LDB2: variants seen among roughly 807,000 people sequenced by gnomAD.
LDB2 encodes the protein LIM domain binding 2.
LDB2 carries 12 observed loss-of-function variants against 44.3 expected under a neutral mutation model. The ratio of observed to expected loss-of-function variants is 0.27; its 90% confidence interval spans 0.17 to 0.44. The LOEUF (loss-of-function observed/expected upper bound fraction) is 0.44, where lower values mean the gene tolerates loss of function less well. Among genes scored for constraint, LDB2 ranks in the 20% least tolerant of loss-of-function variants. The pLI is 1.00. For missense variants in LDB2, 344 were observed against 473.5 expected (o/e 0.73, Z 2.54); for synonymous variants, 164 against 174.8 (o/e 0.94, Z 0.49).
At chr4:16,844,789 C>T (rs1167205199) in intron 1 of LDB2, among the ~76,000 whole-genome samples, 2 of 152,088 alleles carry the variant, frequency 1.3e-5, no homozygotes, top group East Asian at 1.9e-4. Flanking sequence ...TTGCAGAAGC[C>T]CTGAAAACAT....
At chr4:16,603,488 T>C (rs1172803321) in intron 2 of LDB2, among the ~76,000 whole-genome samples, 1 of 152,172 alleles carries the variant, frequency 6.6e-6, no homozygotes, top group East Asian at 1.9e-4. Flanking sequence ...GTTATATATT[T>C]ATACCTTGGA....
At chr4:16,856,616 T>G (rs1224145182) in intron 1 of LDB2, among the ~76,000 whole-genome samples, 3 of 152,204 alleles carry the variant, frequency 2.0e-5, no homozygotes. Context: ...ACAATAAAAC[T>G]TTATTTATAT....
chr4:16,558,399 A>C (rs1448051369), intron 5 of LDB2, among the ~76,000 whole-genome samples: 2 of 152,270 alleles, frequency 1.3e-5, no homozygotes, highest in Non-Finnish European at 2.9e-5. Context: ...AGGCTCGGGA[A>C]CTACGTGAAG....
intron 2 of LDB2, among the ~76,000 whole-genome samples, chr4:16,616,579 T>C (rs1240367270): frequency 6.6e-6 from 1 of 151,944 alleles, no homozygotes; most frequent in East Asian, 1.9e-4. Context: ...CAATAACCCA[T>C]TTTGAGTGAA....
chr4:16,620,949 T>TA (rs1204035981), intron 2 of LDB2, among the ~76,000 whole-genome samples: 1 of 152,246 alleles, frequency 6.6e-6, no homozygotes, highest in African/African-American at 2.4e-5. Flanking sequence ...GTTCAGAACT[T>TA]AAACGCTTTA....
intron 2 of LDB2, among the ~76,000 whole-genome samples, chr4:16,649,752 A>G: frequency 6.6e-6 from 1 of 152,114 alleles, no homozygotes; most frequent in African/African-American, 2.4e-5. Context: ...ATCCATTTGA[A>G]CTCTTCTTAT....
chr4:16,533,335 T>C lies in LDB2; in HGVS notation c.616-21231A>G, dbSNP rs551352159. ...CCCACTTCTAAAGTTAAAAAACCATTCATGTCTGCAAAAATGGAAATAATA... is the reference window on the plus strand; with the variant it reads ...CCCACTTCTAAAGTTAAAAAACCATCCATGTCTGCAAAAATGGAAATAATA... On this transcript the variant is annotated intron_variant, in intron 5 of 7. Coordinates refer to ENST00000304523, the MANE Select transcript of LDB2 (RefSeq NM_001290.5). The surrounding 1 kb of genome is among the most constrained non-coding windows in gnomAD (Gnocchi z 4.1). 3.9e-4 allele frequency among the ~76,000 whole-genome samples: 59 copies of C among 152,232 alleles called. No individual in the cohort carries two copies. Among genetic ancestry groups the C allele is most frequent in the African/African-American group, 1.4e-3 (58 of 41,540 alleles).
In LDB2 at chr4:16,582,597, C is replaced by T. The variant is rs190762115; in HGVS notation, c.615+3325G>A. 3.9e-3 allele frequency among the ~76,000 whole-genome samples: 588 copies of T among 152,276 alleles called. No homozygotes were observed. The highest frequency in any genetic ancestry group is 7.2e-3 in the Non-Finnish European group (488 of 68,020). Reference sequence around the variant, plus strand: ...TGAGGACATGCTTCGTGAAACCCACCACCCGGTATCGGAATACCCAACAGC... The same window carrying T: ...TGAGGACATGCTTCGTGAAACCCACTACCCGGTATCGGAATACCCAACAGC... On this transcript the variant is annotated intron_variant, in intron 5 of 7. Transcript: ENST00000304523. The surrounding 1 kb of genome is among the most constrained non-coding windows in gnomAD (Gnocchi z 4.8).
At chr4:16,615,595 G>A (rs1727064947) in intron 2 of LDB2, among the ~76,000 whole-genome samples, 1 of 152,074 alleles carries the variant, frequency 6.6e-6, no homozygotes, top group African/African-American at 2.4e-5. Flanking sequence ...ACACACACCA[G>A]GGCCTGTTGG....
At chr4:16,643,588 G>A (rs1735821995) in intron 2 of LDB2, among the ~76,000 whole-genome samples, 1 of 152,136 alleles carries the variant, frequency 6.6e-6, no homozygotes, top group Non-Finnish European at 1.5e-5. Flanking sequence ...AAAATAAATA[G>A]AGTATGCAGA....
At chr4:16,588,114 T>C (rs1480218469) in intron 4 of LDB2, among the ~76,000 whole-genome samples, 1 of 152,166 alleles carries the variant, frequency 6.6e-6, no homozygotes, top group East Asian at 1.9e-4. Context: ...CCTACTTACA[T>C]TTAAAATACA....
chr4:16,766,466 ATATG>A (rs33959243), intron 1 of LDB2, among the ~76,000 whole-genome samples: 20,612 of 60,828 alleles, frequency 0.34, 1,855 homozygotes, highest in Middle Eastern at 0.49. Context: ...ACACACACAT[ATATG>A]TGTGTGTGTG....
At chr4:16,503,188 G>T in intron 7 of LDB2, 1 of 1,518,818 alleles carries the variant, frequency 6.6e-7, no homozygotes, top group Non-Finnish European at 8.8e-7. Context: ...CTTTCAACTT[G>T]CCGACATTGG....
At chr4:16,831,928 G>T (rs1470440574) in intron 1 of LDB2, among the ~76,000 whole-genome samples, 1 of 152,088 alleles carries the variant, frequency 6.6e-6, no homozygotes, top group Non-Finnish European at 1.5e-5. Flanking sequence ...TGCCATCCTG[G>T]ACTCTGGATT....
At chr4:16,561,806 C>A (rs1201770752) in intron 5 of LDB2, among the ~76,000 whole-genome samples, 7 of 152,206 alleles carry the variant, frequency 4.6e-5, no homozygotes, top group African/African-American at 1.7e-4. Flanking sequence ...ATCACGCTAC[C>A]TGACTTCAAA....
chr4:16,821,012 G>A (rs539353406), intron 1 of LDB2, among the ~76,000 whole-genome samples: 85 of 152,228 alleles, frequency 5.6e-4, no homozygotes, highest in African/African-American at 1.9e-3. Context: ...ATTATGAGTT[G>A]ATAATTTTTA....
intron 7 of LDB2, among the ~76,000 whole-genome samples, chr4:16,504,329 TTTTA>T (rs1354846763): frequency 2.6e-5 from 4 of 152,190 alleles, no homozygotes; most frequent in Admixed American, 6.5e-5. Context: ...GAAAACCTTG[TTTTA>T]TTTATTTCTG....
intron 7 of LDB2, chr4:16,506,082 CA>C: frequency 7.8e-7 from 1 of 1,280,114 alleles, no homozygotes; most frequent in Non-Finnish European, 1.1e-6. Flanking sequence ...CAGCTGTGGT[CA>C]TAGTGGCACA....
intron 2 of LDB2, among the ~76,000 whole-genome samples, chr4:16,705,738 A>G (rs2152645548): frequency 6.6e-6 from 1 of 152,302 alleles, no homozygotes; most frequent in East Asian, 1.9e-4. Context: ...TAAACTCTGT[A>G]AAGTTAGGGT....
Sources: allele counts gnomAD v4.1 joint callset (sites outside exome capture counted in the v4.1 genomes callset), GRCh38; gene constraint gnomAD v4.1.1; non-coding constraint Gnocchi (gnomAD v3.1); transcripts MANE v1.5; gene names NCBI Gene and HGNC (gene_info 2026-07-23, HGNC 2026-07-21).